Variants in LRRC66 observed in about 807,000 individuals in gnomAD.
LRRC66 encodes leucine rich repeat containing 66, also known as leucine-rich repeat-containing protein 66.
Under a neutral mutation model 24.6 loss-of-function variants are expected in LRRC66, and 29 were observed. The observed-to-expected ratio is 1.18, with a 90% CI of 0.88 to 1.61. The LOEUF (loss-of-function observed/expected upper bound fraction) is 1.61. LRRC66 is among the 40% of genes most tolerant of loss of function. LRRC66 has a pLI of 0.00. For missense variants in LRRC66, 1,124 were observed against 1,058.0 expected, an observed-to-expected ratio of 1.06 and a Z score of -0.87; for synonymous variants, 411 against 397.6, an observed-to-expected ratio of 1.03 and a Z score of -0.40.
Position 51,994,675 on chromosome 4 carries a change from A to G in LRRC66, c.2347T>C (p.Ser783Pro). ...TCCAGATGAGTCTTGTACATGCCAG[A>G]GTCTGGAGCAGAAATGAGAGGTTTT... ...FEKPLISAPD[S>P]GMYKTHLENA... The change falls in exon 5 of 5, where the codon TCT (serine) becomes CCT (proline). Residue 783 changes from serine to proline, a missense_variant. Coordinates refer to ENST00000682860, the MANE Select transcript of LRRC66 (RefSeq NM_001024611.3). 1.2e-6 allele frequency: 2 copies of G among 1,614,162 alleles called. No homozygotes were observed. Among genetic ancestry groups the G allele is most frequent in the Non-Finnish European group, 1.7e-6 (2 of 1,180,032 alleles).
At chr4:52,016,305 G>A (rs1052873033) in intron 2 of LRRC66, among the ~76,000 whole-genome samples, 13 of 152,166 alleles carry the variant, frequency 8.5e-5, no homozygotes, top group Non-Finnish European at 1.8e-4. Context: ...ATTTGGAATG[G>A]AGAAAGAGAA....
In LRRC66 at chr4:52,017,142, T is replaced by G. The variant is rs781129429; in HGVS notation, c.472A>C (p.Asn158His). Residue 158 changes from asparagine to histidine, a missense_variant, in exon 2 of 5, where the codon AAT (asparagine) becomes CAT (histidine). Coordinates refer to ENST00000682860, the MANE Select transcript of LRRC66 (RefSeq NM_001024611.3). ...CCCTTGGGAGTGTCACTGAGTTTAT[T>G]TCTTTGAAGAATGAGCACCTTCAGC... ...PLLKVLILQRNKLSDTPKGLW... is the reference protein window; with the variant it reads ...PLLKVLILQRHKLSDTPKGLW... The G allele has an allele frequency of 3.7e-6, 6 of 1,613,624 alleles. No individual in the cohort carries two copies. The Admixed American group carries it at 8.3e-5, about 22-fold the overall frequency.
rs1480200217 is a variant in LRRC66, at chr4:52,003,264, T to C, written c.625A>G (p.Lys209Glu). ...TCCTTGAAGGCTTGTGGGGGAATTT[T>C]GAATATCTTGTTGCTCTTTAAACAG... is the stretch of plus-strand genomic sequence containing the variant. ...NLCLKSNKIF[K>E]IPPQAFKDLK... Residue 209 changes from lysine to glutamate, a missense_variant, in exon 3 of 5, where the codon AAA (lysine) becomes GAA (glutamate). By Grantham distance (56) the Lys-to-Glu change is moderately conservative (BLOSUM62 1). Transcript: ENST00000682860. The C allele has an allele frequency of 6.2e-7, 1 of 1,613,538 alleles. No homozygotes were observed. Among genetic ancestry groups the C allele is most frequent in the South Asian group, 1.1e-5 (1 of 90,790 alleles).
rs532384573 is a variant in LRRC66, at chr4:51,994,878, G to A, written c.2144C>T (p.Ser715Phe). The change falls in exon 5 of 5, where the codon TCC becomes TTC. Residue 715 changes from serine to phenylalanine, a missense_variant. By Grantham distance (155) the Ser-to-Phe change is radical. Coordinates refer to ENST00000682860, the MANE Select transcript of LRRC66 (RefSeq NM_001024611.3). ...SDEGSLFTLSSISSESARSKT... is the reference protein window; with the variant it reads ...SDEGSLFTLSFISSESARSKT... ...GCTCCTTGCACTCTCTGAACTTATG[G>A]AGCTCAGAGTGAACAGAGACCCCTC... 15 of 1,614,138 alleles carry A rather than the reference G, an allele frequency of 9.3e-6. No homozygotes were observed. In the African/African-American group the frequency reaches 2.0e-4, roughly 22 times the overall value.
In LRRC66 at chr4:51,994,907, A is replaced by G. The variant is rs1560555248; in HGVS notation, c.2115T>C (p.Ser705=). Reference sequence around the variant, plus strand: ...TCAGAGTGAACAGAGACCCCTCATCAGAGTCACAGTCACTCTCCAACTCAC... The same window carrying G: ...TCAGAGTGAACAGAGACCCCTCATCGGAGTCACAGTCACTCTCCAACTCAC... ...TCCELESDCD[S]DEGSLFTLSS... is the part of the protein sequence containing the mutation. The change falls in exon 5 of 5, where the codon TCT becomes TCC. Residue 705 remains serine, a synonymous_variant. Coordinates refer to ENST00000682860, the MANE Select transcript of LRRC66 (RefSeq NM_001024611.3). 1 of 1,614,142 alleles carries G rather than the reference A, an allele frequency of 6.2e-7. No individual in the cohort carries two copies. Among genetic ancestry groups the G allele is most frequent in the Admixed American group, 1.7e-5 (1 of 60,014 alleles).
In LRRC66 at chr4:51,997,936, A is replaced by T. The variant is rs1736361924; in HGVS notation, c.668T>A (p.Val223Asp). The T allele has an allele frequency of 1.2e-6, 2 of 1,611,862 alleles. No individual in the cohort carries two copies. The highest frequency in any genetic ancestry group is 1.3e-5 in the African/African-American group (1 of 74,958). The stretch of plus-strand genomic sequence containing the variant: ...CAGAGCATTGTTGCTAAGGTCTATG[A>T]CCTGTTTGAGAAGAAACAAGTTTAG... ...QAFKDLKKLQ[V>D]IDLSNNALIT... Residue 223 changes from valine to aspartate, a missense_variant and splice_region_variant, in exon 4 of 5, where the codon GTC becomes GAC. Coordinates refer to ENST00000682860, the MANE Select transcript of LRRC66 (RefSeq NM_001024611.3).
chr4:52,019,966 C>A (rs2110206471), intron 1 of LRRC66, among the ~76,000 whole-genome samples: 1 of 152,104 alleles, frequency 6.6e-6, no homozygotes, highest in Non-Finnish European at 1.5e-5. Flanking sequence ...AAAAATCATA[C>A]TATTTATAAA....
intron 3 of LRRC66, among the ~76,000 whole-genome samples, chr4:51,998,486 T>C (rs1181926874): frequency 1.3e-5 from 2 of 152,190 alleles, no homozygotes; most frequent in Non-Finnish European, 2.9e-5. Flanking sequence ...TGGGCTCAAG[T>C]AATCCTCCCC....
Position 51,995,541 on chromosome 4 carries a change from T to C in LRRC66, c.1481A>G (p.Asn494Ser), listed in dbSNP as rs908205821. The C allele has an allele frequency of 6.2e-7, 1 of 1,614,174 alleles. No homozygotes were observed. The highest frequency in any genetic ancestry group is 8.5e-7 in the Non-Finnish European group (1 of 1,180,024). The change falls in exon 5 of 5, where the codon AAC becomes AGC. Residue 494 changes from asparagine to serine, a missense_variant. Physicochemically the swap from Asn to Ser is conservative, Grantham distance 46 (BLOSUM62 1). Coordinates refer to ENST00000682860, the MANE Select transcript of LRRC66 (RefSeq NM_001024611.3). ...ATCATTTCCACTTCCTGCCCCGGTG[T>C]TGTCCCCGCACTGTCCTGGGCTCTG... ...SSQSPGQCGD[N>S]TGAGSGNDGA...
At chr4:52,000,205 G>C (rs1736416920) in intron 3 of LRRC66, among the ~76,000 whole-genome samples, 1 of 152,166 alleles carries the variant, frequency 6.6e-6, no homozygotes, top group African/African-American at 2.4e-5. Flanking sequence ...AATTACAGCT[G>C]TATATAAAAC....
intron 3 of LRRC66, among the ~76,000 whole-genome samples, chr4:52,001,820 T>C (rs778920962): frequency 6.6e-6 from 1 of 152,210 alleles, no homozygotes; most frequent in Non-Finnish European, 1.5e-5. Flanking sequence ...TGGAGGCTTA[T>C]CTTGCAGCTA....
chr4:52,005,604 A>AC (rs1491036583), intron 2 of LRRC66, among the ~76,000 whole-genome samples: 2 of 82 alleles, frequency 0.024, no homozygotes, highest in Non-Finnish European at 0.036. Context: ...ACAAACAACA[A>AC]AAAAAAAAAA....
rs1736836692 is a variant in LRRC66 at position 52,017,292 on chromosome 4, A to C, written c.322T>G (p.Leu108Val). ...AGGTTTAACACTTCCAAAGCATGTA[A>C]ATATGCAAAAGGGCTTAAGGTTATT... The part of the protein sequence containing the change: ...SKITLSPFAY[L>V]HALEVLNLSN... The change falls in exon 2 of 5, where the codon TTA (leucine) becomes GTA (valine). Residue 108 changes from leucine to valine, a missense_variant. Transcript: ENST00000682860. 4 of 1,614,170 alleles carry C rather than the reference A, an allele frequency of 2.5e-6. No homozygotes were observed. In the East Asian group the frequency reaches 8.9e-5, roughly 36 times the overall value.
In LRRC66 at chr4:51,995,256, CAGAGGGAAGCTGTTATTTCTCCGG is replaced by C. The variant is rs770116838; in HGVS notation, c.1742_1765del (p.Ser581_Leu588del). The C allele has an allele frequency of 6.2e-7, 1 of 1,614,044 alleles. No individual in the cohort carries two copies. Among genetic ancestry groups the C allele is most frequent in the African/African-American group, 1.3e-5 (1 of 74,904 alleles). On this transcript the variant is annotated inframe_deletion, in exon 5 of 5. Transcript: ENST00000682860. ...TGCTTCTGCATGTGTTAGCATTTTA[CAGAGGGAAGCTGTTATTTCTCCGG>C]AGAGGGAAGGGTCTAATTCATTGGA...
In LRRC66 at chr4:51,994,763, A is replaced by G. The variant is rs771093990; in HGVS notation, c.2259T>C (p.Leu753=). Residue 753 remains leucine (L), a synonymous_variant, in exon 5 of 5, where the codon CTT becomes CTC. Transcript: ENST00000682860. The part of the protein sequence containing the change: ...SKDNVTAVDS[L]EENVTFQTIP... ...TTGTTTGGAAGGTAACATTTTCCTC[A>G]AGACTGTCTACAGCCGTCACATTGT... 6 of 1,614,064 alleles carry G rather than the reference A, an allele frequency of 3.7e-6. No homozygotes were observed. In the African/African-American group the frequency reaches 8.0e-5, roughly 22 times the overall value.
intron 2 of LRRC66, among the ~76,000 whole-genome samples, chr4:52,005,910 T>C (rs147238624): frequency 2.5e-4 from 38 of 152,366 alleles, no homozygotes; most frequent in African/African-American, 8.4e-4. Flanking sequence ...GGAGAAAATG[T>C]TTCTTTGTGC....
At chr4:52,006,670 G>A (rs1270618243) in intron 2 of LRRC66, among the ~76,000 whole-genome samples, 1 of 141,506 alleles carries the variant, frequency 7.1e-6, no homozygotes, top group Non-Finnish European at 1.5e-5. Flanking sequence ...CCTGCACATT[G>A]TGCACATGTA....
chr4:52,004,009 A>G (rs149113657), intron 2 of LRRC66, among the ~76,000 whole-genome samples: 1 of 150,676 alleles, frequency 6.6e-6, no homozygotes, highest in East Asian at 2.0e-4. Flanking sequence ...TTCTTATTCT[A>G]TTTTTTTTTC....
At chr4:52,019,012 G>A (rs192732285) in intron 1 of LRRC66, among the ~76,000 whole-genome samples, 57 of 152,310 alleles carry the variant, frequency 3.7e-4, no homozygotes, top group African/African-American at 1.3e-3. Context: ...GAGTAGCTGG[G>A]ATTACAGGCA....
Sources: allele counts gnomAD v4.1 joint callset (sites outside exome capture counted in the v4.1 genomes callset), GRCh38; gene constraint gnomAD v4.1.1; transcripts MANE v1.5; gene names NCBI Gene and HGNC (gene_info 2026-07-23, HGNC 2026-07-21).